The following VAC14 variants were observed in gnomAD, a reference collection of about 807,000 sequenced individuals.
VAC14 encodes VAC14 component of PIKFYVE complex.
Under a neutral mutation model 85.3 loss-of-function variants are expected in VAC14, and 47 were observed. The ratio of observed to expected loss-of-function variants is 0.55; its 90% CI spans 0.44 to 0.70. The LOEUF is 0.70. Ranked by LOEUF, VAC14 falls within the 30% of genes least tolerant of loss-of-function variation. The pLI is 0.00. For missense variants in VAC14, 861 were observed against 1,004.3 expected (o/e 0.86, Z 1.93); for synonymous variants, 447 against 430.5 (o/e 1.04, Z -0.47).
At chr16:70,765,049 A>G (rs1024951199) in intron 10 of VAC14, among the ~76,000 whole-genome samples, 1 of 152,168 alleles carries the variant, frequency 6.6e-6, no homozygotes, top group Non-Finnish European at 1.5e-5. Context: ...ATGCCGCCCT[A>G]CAGCCCAAGG....
intron 14 of VAC14, among the ~76,000 whole-genome samples, chr16:70,727,731 C>G (rs2054471190): frequency 6.6e-6 from 1 of 152,236 alleles, no homozygotes; most frequent in Non-Finnish European, 1.5e-5. Flanking sequence ...CTCAACAAAG[C>G]TCTTTGGAAC....
intron 13 of VAC14, among the ~76,000 whole-genome samples, chr16:70,732,791 G>A (rs531298245): frequency 1.9e-4 from 29 of 152,042 alleles, no homozygotes; most frequent in African/African-American, 6.3e-4. Flanking sequence ...ACAGGCATGC[G>A]CCACCACGCC....
chr16:70,792,657 C>T (rs1441424747), intron 1 of VAC14, among the ~76,000 whole-genome samples: 4 of 152,198 alleles, frequency 2.6e-5, no homozygotes, highest in Admixed American at 2.6e-4. Flanking sequence ...GCCACACTGA[C>T]TACCTGACAG....
In VAC14 at chr16:70,772,113, C is replaced by G; in HGVS notation, c.1156G>C (p.Ala386Pro). The G allele has an allele frequency of 6.2e-7, 1 of 1,614,034 alleles. No individual in the cohort carries two copies. Among genetic ancestry groups the G allele is most frequent in the African/African-American group, 1.3e-5 (1 of 75,048 alleles). ...FSSGISVFTAASTERAPVTLH... is the reference protein window; with the variant it reads ...FSSGISVFTAPSTERAPVTLH... ...TGGCTGAAACAAGCCACTTACCTGG[C>G]TGCAGTGAAGACACTGATGCCGCTA... Residue 386 changes from alanine (A) to proline (P), a missense_variant, in exon 10 of 19, where the codon GCC becomes CCC. Physicochemically the swap from Ala to Pro is conservative, Grantham distance 27. This residue lies in a region of VAC14 where 629 missense variants were observed against 703.1 expected (regional missense o/e 0.89). Transcript: ENST00000261776.
intron 10 of VAC14, among the ~76,000 whole-genome samples, chr16:70,764,460 T>C (rs1307249189): frequency 3.9e-5 from 6 of 152,154 alleles, no homozygotes; most frequent in Admixed American, 1.3e-4. Flanking sequence ...ACTGTGCAGG[T>C]AGAGGAGTCT....
At chr16:70,725,768 T>C (rs2054409290) in intron 14 of VAC14, among the ~76,000 whole-genome samples, 1 of 152,162 alleles carries the variant, frequency 6.6e-6, no homozygotes, top group Admixed American at 6.5e-5. Context: ...TCCTTTCCCT[T>C]GTGGGCCCCA....
intron 1 of VAC14, among the ~76,000 whole-genome samples, chr16:70,794,782 G>C (rs1027325637): frequency 2.6e-5 from 4 of 152,260 alleles, no homozygotes; most frequent in African/African-American, 9.6e-5. Context: ...ATTTAAACAG[G>C]GTCCCACTGC....
At chr16:70,738,357 G>C (rs2029910676) in intron 13 of VAC14, among the ~76,000 whole-genome samples, 1 of 152,216 alleles carries the variant, frequency 6.6e-6, no homozygotes, top group African/African-American at 2.4e-5. Context: ...GGGTCGGCAG[G>C]ACAGGAGCGC....
intron 14 of VAC14, among the ~76,000 whole-genome samples, chr16:70,722,723 G>C (rs2054325304): frequency 6.6e-6 from 1 of 152,176 alleles, no homozygotes; most frequent in Non-Finnish European, 1.5e-5. Context: ...AGGGCCCAAG[G>C]AGGCAGAGGA....
At chr16:70,741,938 C>G (rs1483906338) in intron 13 of VAC14, among the ~76,000 whole-genome samples, 1 of 152,208 alleles carries the variant, frequency 6.6e-6, no homozygotes, top group East Asian at 1.9e-4. Flanking sequence ...CCACCAGGGA[C>G]CCCCGGGTCA....
intron 16 of VAC14, chr16:70,695,942 C>T: frequency 4.3e-6 from 1 of 230,470 alleles, no homozygotes; most frequent in East Asian, 8.8e-5. Context: ...TCCTTTCCTG[C>T]CAGCAGGGCT....
chr16:70,772,870 G>A (rs1316996670), intron 9 of VAC14: 1 of 152,174 alleles, frequency 6.6e-6, no homozygotes, highest in Non-Finnish European at 1.5e-5. Flanking sequence ...GTGTGGTATA[G>A]CCATACAATG....
intron 9 of VAC14, among the ~76,000 whole-genome samples, chr16:70,779,967 T>C (rs2033725582): frequency 6.6e-6 from 1 of 151,984 alleles, no homozygotes; most frequent in African/African-American, 2.4e-5. Context: ...TTCAGCTTCC[T>C]GAGGAGCTGG....
At chr16:70,791,288 G>A (rs778613272) in intron 1 of VAC14, among the ~76,000 whole-genome samples, 14 of 152,258 alleles carry the variant, frequency 9.2e-5, no homozygotes, top group Non-Finnish European at 1.8e-4. Context: ...GAGCGCAGAA[G>A]GACTCAGGAC....
chr16:70,780,766 G>C (rs770337134), intron 9 of VAC14, 24 bp downstream of exon 9: 2 of 1,558,018 alleles, frequency 1.3e-6, no homozygotes, highest in Non-Finnish European at 1.7e-6. Context: ...CAGGAGGTGA[G>C]GTGTAGGGAC....
chr16:70,689,107 A>G, intron 18 of VAC14: 1 of 984,334 alleles, frequency 1.0e-6, no homozygotes, highest in Non-Finnish European at 1.2e-6. Flanking sequence ...CACAGGATCT[A>G]GACAGACCTG....
intron 1 of VAC14, among the ~76,000 whole-genome samples, chr16:70,790,723 A>AT (rs1192670454): frequency 1.3e-5 from 2 of 152,064 alleles, no homozygotes; most frequent in Non-Finnish European, 2.9e-5. Flanking sequence ...CACCAGCCGG[A>AT]AGGCCTCCCC....
intron 13 of VAC14, among the ~76,000 whole-genome samples, chr16:70,735,462 T>C (rs1019221964): frequency 3.3e-5 from 5 of 152,186 alleles, no homozygotes; most frequent in African/African-American, 9.7e-5. Flanking sequence ...CTGACTGTAT[T>C]TGATGCCAGC....
intron 1 of VAC14, 162 bp from the exon 2 acceptor site, chr16:70,786,527 G>C: frequency 1.2e-6 from 1 of 854,690 alleles, no homozygotes; most frequent in Non-Finnish European, 1.8e-6. Flanking sequence ...CTGAGTCATC[G>C]TTGTTTCCCT....
Sources: allele counts gnomAD v4.1 joint callset (sites outside exome capture counted in the v4.1 genomes callset), GRCh38; gene constraint gnomAD v4.1.1; regional missense constraint gnomAD v4.1.1; transcripts MANE v1.5; gene names NCBI Gene and HGNC (gene_info 2026-07-23, HGNC 2026-07-21).